The following TTLL6 variants were observed in gnomAD, a reference collection of about 807,000 sequenced individuals.
TTLL6 encodes tubulin polyglutamylase TTLL6.
TTLL6 carries 75 observed loss-of-function variants against 96.4 expected under a neutral mutation model. The ratio of observed to expected loss-of-function variants is 0.78; its 90% CI spans 0.65 to 0.94. TTLL6 has a LOEUF of 0.94. Among genes scored for constraint, TTLL6 ranks in the 40% least tolerant of loss-of-function variants. TTLL6 has a pLI of 0.00. For missense variants in TTLL6, 1,030 were observed against 1,093.0 expected, an observed-to-expected ratio of 0.94 and a Z score of 0.81; for synonymous variants, 411 against 419.4, an observed-to-expected ratio of 0.98 and a Z score of 0.24.
chr17:48,767,227 T>C (rs557216612), intron 15 of TTLL6, among the ~76,000 whole-genome samples: 1 of 152,218 alleles, frequency 6.6e-6, no homozygotes, highest in East Asian at 1.9e-4. Flanking sequence ...AAAAGACTTG[T>C]TCAAAAGACA....
intron 10 of TTLL6, among the ~76,000 whole-genome samples, chr17:48,789,583 C>G (rs561968465): frequency 1.1e-4 from 16 of 152,246 alleles, no homozygotes; most frequent in African/African-American, 3.9e-4. Flanking sequence ...GAGACGGAGT[C>G]TTGCTCTGTC....
intron 1 of TTLL6, among the ~76,000 whole-genome samples, chr17:48,811,641 C>G (rs1440822006): frequency 1.3e-5 from 2 of 151,928 alleles, no homozygotes; most frequent in Non-Finnish European, 2.9e-5. Flanking sequence ...TCTCTGGCCT[C>G]CAAGCAGTTT....
At chr17:48,816,938 G>A (rs1287130942) in intron 1 of TTLL6, 32 bp downstream of exon 1, 2 of 1,478,968 alleles carry the variant, frequency 1.4e-6, no homozygotes, top group Non-Finnish European at 1.8e-6. Flanking sequence ...GCTGCGGTCT[G>A]GAGCCAGCAC....
chr17:48,784,788 G>T (rs1375902104), intron 13 of TTLL6, 135 bp downstream of exon 13: 1 of 666,102 alleles, frequency 1.5e-6, no homozygotes, highest in Non-Finnish European at 2.6e-6. Context: ...CACAGTGTGG[G>T]CTTCTCAAGG....
intron 13 of TTLL6, among the ~76,000 whole-genome samples, chr17:48,775,119 T>C (rs754968662): frequency 2.0e-5 from 3 of 147,108 alleles, no homozygotes; most frequent in Non-Finnish European, 3.0e-5. Flanking sequence ...TGAGACTCCA[T>C]CTTAAAAAAA....
chr17:48,789,983 C>T lies in TTLL6; in HGVS notation c.1348G>A (p.Glu450Lys). ...AGGAACTGCCCCCGTTGTCTCTCCT[C>T]CTCCAAGACTTTCTTCTTGTCACAG... ...ESCDKKKVLEEERQRGQFLQQ... is the reference protein window; with the variant it reads ...ESCDKKKVLEKERQRGQFLQQ... Residue 450 changes from glutamate (E) to lysine (K), a missense_variant, in exon 10 of 16, where the codon GAG (glutamate) becomes AAG (lysine). Transcript: ENST00000393382. 1 of 1,614,210 alleles carries T rather than the reference C, an allele frequency of 6.2e-7. No individual in the cohort carries two copies. Among genetic ancestry groups the T allele is most frequent in the South Asian group, 1.1e-5 (1 of 91,072 alleles).
At chr17:48,763,478 C>T (rs1274208589) in intron 15 of TTLL6, among the ~76,000 whole-genome samples, 1 of 152,152 alleles carries the variant, frequency 6.6e-6, no homozygotes, top group Non-Finnish European at 1.5e-5. Flanking sequence ...TCCCACTTTA[C>T]CAAGCCATGA....
chr17:48,784,680 C>T (rs2039053358), intron 13 of TTLL6, among the ~76,000 whole-genome samples: 1 of 152,176 alleles, frequency 6.6e-6, no homozygotes, highest in African/African-American at 2.4e-5. Flanking sequence ...TTTGCCACAG[C>T]AGCTCTAGGA....
chr17:48,807,890 G>A (rs184785743), intron 1 of TTLL6, among the ~76,000 whole-genome samples: 3,399 of 152,196 alleles, frequency 0.022, 50 homozygotes, highest in Admixed American at 0.035. Flanking sequence ...CCAGGCTGGA[G>A]TGCAGTGGCG....
intron 13 of TTLL6, among the ~76,000 whole-genome samples, chr17:48,779,260 A>C (rs2038940289): frequency 6.8e-6 from 1 of 147,944 alleles, no homozygotes; most frequent in African/African-American, 2.5e-5. Flanking sequence ...AGGCTGAGGC[A>C]TGAGAATTGC....
At chr17:48,779,022 G>C (rs578098334) in intron 13 of TTLL6, among the ~76,000 whole-genome samples, 1 of 152,004 alleles carries the variant, frequency 6.6e-6, no homozygotes, top group East Asian at 1.9e-4. Context: ...GATCCCTTGA[G>C]CTCAGGAATT....
chr17:48,792,273 G>T (rs1289356210), intron 8 of TTLL6, among the ~76,000 whole-genome samples: 4 of 152,204 alleles, frequency 2.6e-5, no homozygotes, highest in African/African-American at 4.8e-5. Context: ...ATGTGGAATA[G>T]TTCATGAGGA....
intron 13 of TTLL6, among the ~76,000 whole-genome samples, chr17:48,780,340 C>T (rs1272589867): frequency 6.6e-6 from 1 of 151,982 alleles, no homozygotes; most frequent in Non-Finnish European, 1.5e-5. Flanking sequence ...GCCACTGCGC[C>T]CAGACTCTAC....
intron 12 of TTLL6, 135 bp downstream of exon 12, chr17:48,786,029 C>G: frequency 7.5e-7 from 1 of 1,336,658 alleles, no homozygotes; most frequent in South Asian, 1.4e-5. Context: ...CGCACCGCCC[C>G]GTCGTTGCCC....
chr17:48,780,328 G>C (rs562168331), intron 13 of TTLL6, among the ~76,000 whole-genome samples: 2 of 152,100 alleles, frequency 1.3e-5, no homozygotes, highest in Admixed American at 1.3e-4. Flanking sequence ...TTACAGATGG[G>C]AGCCACTGCG....
intron 5 of TTLL6, chr17:48,800,354 G>T (rs543451559): frequency 6.6e-6 from 1 of 152,264 alleles, no homozygotes; most frequent in Non-Finnish European, 1.5e-5. Context: ...TCAGAAGAAA[G>T]AAAGAAACTA....
At chr17:48,793,173 C>T (rs754325943) in intron 8 of TTLL6, among the ~76,000 whole-genome samples, 14 of 151,986 alleles carry the variant, frequency 9.2e-5, no homozygotes, top group Non-Finnish European at 1.5e-4. Flanking sequence ...ACCTCAAACG[C>T]CAACTTTGGG....
chr17:48,777,048 A>ACACACACACACC (rs553043046), intron 13 of TTLL6, among the ~76,000 whole-genome samples: 2 of 148,424 alleles, frequency 1.3e-5, no homozygotes, highest in Non-Finnish European at 1.5e-5. Context: ...ACACACACAC[A>ACACACACACACC]CCCCTAAAAA....
At chr17:48,764,609 T>C (rs1237692825) in intron 15 of TTLL6, among the ~76,000 whole-genome samples, 2 of 152,154 alleles carry the variant, frequency 1.3e-5, no homozygotes, top group Admixed American at 6.6e-5. Context: ...TGCTTGCTCT[T>C]CCTTCTTTCC....
Sources: allele counts gnomAD v4.1 joint callset (sites outside exome capture counted in the v4.1 genomes callset), GRCh38; gene constraint gnomAD v4.1.1; transcripts MANE v1.5; gene names NCBI Gene and HGNC (gene_info 2026-07-23, HGNC 2026-07-21).